RBFOX1: variants seen among roughly 807,000 people sequenced by gnomAD.
The protein encoded by RBFOX1 is RNA binding fox-1 homolog 1.
RBFOX1 carries 8 observed loss-of-function variants against 57.7 expected under a neutral mutation model. That is an observed-to-expected ratio of 0.14 (90% CI 0.08 to 0.25). RBFOX1 has a LOEUF of 0.25. Ranked by LOEUF, RBFOX1 falls within the 10% of genes least tolerant of loss-of-function variation. The pLI is 1.00. For missense variants in RBFOX1, 611 were observed against 548.5 expected, an observed-to-expected ratio of 1.11 and a Z score of -1.14; for synonymous variants, 326 against 222.4, an observed-to-expected ratio of 1.47 and a Z score of -4.15.
intron 3 of RBFOX1, among the ~76,000 whole-genome samples, chr16:6,878,220 A>G (rs17826831): frequency 0.27 from 40,390 of 152,096 alleles, 5,598 homozygotes; most frequent in African/African-American, 0.33. Flanking sequence ...TCATCAACAA[A>G]GATTCCGTTT....
intron 2 of RBFOX1, among the ~76,000 whole-genome samples, chr16:6,588,300 C>T (rs973761790): frequency 6.6e-6 from 1 of 151,802 alleles, no homozygotes; most frequent in Non-Finnish European, 1.5e-5. Context: ...AATGTAGATA[C>T]TAACTGGAAC....
chr16:6,275,204 G>T (rs769586722), intron 1 of RBFOX1, among the ~76,000 whole-genome samples: 11 of 152,022 alleles, frequency 7.2e-5, no homozygotes, highest in Non-Finnish European at 1.5e-4. Context: ...CCAGCTACTC[G>T]GGAGGCTGAG....
upstream of RBFOX1, among the ~76,000 whole-genome samples, chr16:6,015,317 T>G (rs1182257497): frequency 6.6e-6 from 1 of 152,190 alleles, no homozygotes; most frequent in African/African-American, 2.4e-5. Flanking sequence ...ACACTGACCT[T>G]CTGGAAAAGT....
chr16:7,417,528 TTGTGTG>T (rs545621108), intron 4 of RBFOX1, among the ~76,000 whole-genome samples: 9 of 68,386 alleles, frequency 1.3e-4, no homozygotes, highest in Non-Finnish European at 2.0e-4. Context: ...TCACATGGTA[TTGTGTG>T]TGTGTGTGTG....
intron 4 of RBFOX1, among the ~76,000 whole-genome samples, chr16:7,220,069 C>A (rs1303655996): frequency 2.6e-5 from 4 of 152,082 alleles, no homozygotes; most frequent in African/African-American, 9.7e-5. Context: ...CATTGTTTGA[C>A]CTTAGAGAGA....
At chr16:5,591,647 G>T (rs1300181594) in intron 2 of RBFOX1, among the ~76,000 whole-genome samples, 2 of 152,188 alleles carry the variant, frequency 1.3e-5, no homozygotes, top group East Asian at 3.8e-4. Context: ...ACAATGAACA[G>T]ATGTGGAGTA....
chr16:6,211,901 G>A (rs1314633777), intron 1 of RBFOX1, among the ~76,000 whole-genome samples: 1 of 151,566 alleles, frequency 6.6e-6, no homozygotes, highest in African/African-American at 2.4e-5. Flanking sequence ...TCAGGCTGGA[G>A]TGAAGTGGCA....
chr16:6,779,361 G>A (rs557074726), intron 3 of RBFOX1, among the ~76,000 whole-genome samples: 1 of 151,874 alleles, frequency 6.6e-6, no homozygotes, highest in East Asian at 1.9e-4. Flanking sequence ...GCTTTTTTGT[G>A]GTTGAATAAT....
chr16:7,479,569 G>T (rs1284981960), intron 4 of RBFOX1, among the ~76,000 whole-genome samples: 1 of 152,170 alleles, frequency 6.6e-6, no homozygotes, highest in Non-Finnish European at 1.5e-5. Flanking sequence ...GTAGCTGGTT[G>T]GGCCTGGGGT....
chr16:6,981,905 C>G (rs2088996243), intron 3 of RBFOX1, among the ~76,000 whole-genome samples: 1 of 152,154 alleles, frequency 6.6e-6, no homozygotes, highest in Admixed American at 6.5e-5. Flanking sequence ...GTGAATAGTG[C>G]TGCAGTGAGT....
At chr16:7,679,220 A>G (rs1291760452) in intron 14 of RBFOX1, among the ~76,000 whole-genome samples, 1 of 152,222 alleles carries the variant, frequency 6.6e-6, no homozygotes, top group East Asian at 1.9e-4. Flanking sequence ...ATACCTTTTT[A>G]TAGAAGACAC....
At chr16:5,615,772 G>T (rs181543532) in intron 3 of RBFOX1, among the ~76,000 whole-genome samples, 2 of 152,244 alleles carry the variant, frequency 1.3e-5, no homozygotes, top group African/African-American at 4.8e-5. Flanking sequence ...GACCCCAGAT[G>T]ATGAGTGCCT....
intron 2 of RBFOX1, among the ~76,000 whole-genome samples, chr16:6,430,064 C>A (rs1468846118): frequency 6.6e-6 from 1 of 151,700 alleles, no homozygotes; most frequent in East Asian, 1.9e-4. Context: ...GCCTAGATCA[C>A]GTCACTGCAT....
chr16:6,812,014 T>TTGTACTG (rs2088766836), intron 3 of RBFOX1, among the ~76,000 whole-genome samples: 2 of 152,182 alleles, frequency 1.3e-5, no homozygotes, highest in African/African-American at 4.8e-5. Context: ...ATGCCATTTC[T>TTGTACTG]CCAGATAAAT....
chr16:7,510,192 A>G (rs1425212977), intron 4 of RBFOX1: 1 of 985,686 alleles, frequency 1.0e-6, no homozygotes, highest in Non-Finnish European at 1.2e-6. Flanking sequence ...TCATCCACAC[A>G]TTGCACAGCG....
intron 1 of RBFOX1, among the ~76,000 whole-genome samples, chr16:6,210,279 T>C (rs1191497839): frequency 1.4e-5 from 2 of 138,234 alleles, no homozygotes; most frequent in Non-Finnish European, 3.0e-5. Flanking sequence ...GATCACGCAT[T>C]GCATTCCGGC....
At chr16:7,161,932 G>C (rs1484659093) in intron 4 of RBFOX1, among the ~76,000 whole-genome samples, 2 of 152,192 alleles carry the variant, frequency 1.3e-5, no homozygotes, top group Non-Finnish European at 2.9e-5. Context: ...AAGGTTTTGG[G>C]GTTACCCAAG....
intron 1 of RBFOX1, among the ~76,000 whole-genome samples, chr16:5,298,212 A>C (rs2063715283): frequency 6.6e-6 from 1 of 152,234 alleles, no homozygotes; most frequent in Non-Finnish European, 1.5e-5. Context: ...AAATTTTCTA[A>C]TTATTACATG....
At chr16:5,500,457 C>G (rs535206592) in intron 2 of RBFOX1, among the ~76,000 whole-genome samples, 2 of 152,116 alleles carry the variant, frequency 1.3e-5, no homozygotes, top group South Asian at 2.1e-4. Flanking sequence ...CCTGGACTCA[C>G]GCAATCGTCC....
Sources: gnomAD v4.1 joint callset for allele counts (sites outside exome capture counted in the v4.1 genomes callset) on GRCh38, gnomAD v4.1.1 for gene constraint, MANE v1.5 for transcripts, NCBI Gene and HGNC (gene_info 2026-07-23, HGNC 2026-07-21) for gene names.